The following NPAS3 variants were observed in gnomAD, a reference collection of about 807,000 sequenced individuals.
NPAS3 encodes the protein neuronal PAS domain-containing protein 3.
In NPAS3, 14 loss-of-function variants were observed where a neutral mutation model predicts 73.1. That is an observed-to-expected ratio of 0.19 (90% CI 0.13 to 0.30). The LOEUF is 0.30. Ranked by LOEUF, NPAS3 falls within the 10% of genes least tolerant of loss-of-function variation. The pLI is 1.00. For synonymous variants in NPAS3, 620 were observed against 541.5 expected, an observed-to-expected ratio of 1.14 and a Z score of -2.01; for missense variants, 1,096 against 1,250.0, an observed-to-expected ratio of 0.88 and a Z score of 1.86.
intron 6 of NPAS3, among the ~76,000 whole-genome samples, chr14:33,704,088 AAGAAAACCCGT>A (rs2060593638): frequency 6.6e-6 from 1 of 152,232 alleles, no homozygotes; most frequent in Non-Finnish European, 1.5e-5. Flanking sequence ...GTGAGGATGA[AAGAAAACCCGT>A]AGAAAAGCAC....
chr14:33,308,543 C>CACACACACAA (rs1473982058), intron 3 of NPAS3, among the ~76,000 whole-genome samples: 1 of 117,144 alleles, frequency 8.5e-6, no homozygotes, highest in Non-Finnish European at 1.7e-5. Context: ...CACACACACA[C>CACACACACAA]ACACACACAC....
At chr14:33,309,609 C>A (rs137966227) in intron 3 of NPAS3, among the ~76,000 whole-genome samples, 3 of 152,126 alleles carry the variant, frequency 2.0e-5, no homozygotes, top group African/African-American at 7.2e-5. Flanking sequence ...ACCTTTTCTC[C>A]AAATGGGCTG....
intron 2 of NPAS3, among the ~76,000 whole-genome samples, chr14:33,210,958 A>G (rs2047009948): frequency 6.6e-6 from 1 of 152,242 alleles, no homozygotes; most frequent in Admixed American, 6.5e-5. Flanking sequence ...TAGGAATTAT[A>G]TTAGTGAGAA....
chr14:33,375,083 A>G (rs1349843321), intron 4 of NPAS3, among the ~76,000 whole-genome samples: 1 of 152,098 alleles, frequency 6.6e-6, no homozygotes, highest in Non-Finnish European at 1.5e-5. Flanking sequence ...TCTTTTTGCT[A>G]AAGTGGTATC....
At chr14:33,589,331 C>T (rs561255430) in intron 5 of NPAS3, among the ~76,000 whole-genome samples, 1 of 152,236 alleles carries the variant, frequency 6.6e-6, no homozygotes, top group African/African-American at 2.4e-5. Context: ...CTGCTTATGA[C>T]AGTGAGGAAG....
chr14:33,461,221 T>G (rs2050249751), intron 4 of NPAS3, among the ~76,000 whole-genome samples: 2 of 152,178 alleles, frequency 1.3e-5, no homozygotes, highest in Non-Finnish European at 1.5e-5. Context: ...TCCCTTGCCT[T>G]TAGGAATTCA....
intron 5 of NPAS3, among the ~76,000 whole-genome samples, chr14:33,668,312 A>AAT (rs2059513369): frequency 6.6e-6 from 1 of 152,172 alleles, no homozygotes; most frequent in Non-Finnish European, 1.5e-5. Flanking sequence ...AGGAACGACT[A>AAT]ATTGTATGAT....
chr14:32,974,468 G>T (rs2037568414), intron 1 of NPAS3, among the ~76,000 whole-genome samples: 1 of 152,220 alleles, frequency 6.6e-6, no homozygotes. Flanking sequence ...TGAAGGAAAA[G>T]AAGGTATGTA....
intron 3 of NPAS3, among the ~76,000 whole-genome samples, chr14:33,298,869 T>A (rs1032423408): frequency 6.6e-6 from 1 of 152,208 alleles, no homozygotes; most frequent in Admixed American, 6.5e-5. Context: ...ACAGAAATAA[T>A]CCTTCCTTCT....
chr14:33,572,915 C>A (rs1240520769), intron 5 of NPAS3, among the ~76,000 whole-genome samples: 2 of 147,788 alleles, frequency 1.4e-5, no homozygotes, highest in Non-Finnish European at 3.0e-5. Flanking sequence ...CCCAGCTACT[C>A]GGGAGTCTGA....
At chr14:33,469,602 G>T (rs1209691252) in intron 4 of NPAS3, among the ~76,000 whole-genome samples, 1 of 152,098 alleles carries the variant, frequency 6.6e-6, no homozygotes, top group East Asian at 1.9e-4. Context: ...AGTTATTCTA[G>T]GATAAGGAAA....
At chr14:33,606,003 T>A (rs1236109646) in intron 5 of NPAS3, among the ~76,000 whole-genome samples, 2 of 152,188 alleles carry the variant, frequency 1.3e-5, no homozygotes, top group Non-Finnish European at 2.9e-5. Context: ...GACAGCGTGA[T>A]ATTGGCATAA....
intron 2 of NPAS3, among the ~76,000 whole-genome samples, chr14:33,066,904 G>T (rs926867511): frequency 1.3e-5 from 2 of 152,164 alleles, no homozygotes; most frequent in Non-Finnish European, 2.9e-5. Flanking sequence ...TAATTGATAC[G>T]GCTGAAATCC....
intron 2 of NPAS3, among the ~76,000 whole-genome samples, chr14:33,182,517 A>G (rs1478902391): frequency 6.6e-6 from 1 of 152,232 alleles, no homozygotes; most frequent in South Asian, 2.1e-4. Flanking sequence ...AAAATGCATG[A>G]AAGTATAGTT....
intron 1 of NPAS3, among the ~76,000 whole-genome samples, chr14:32,940,281 A>C (rs141290472): frequency 4.7e-4 from 72 of 152,310 alleles, no homozygotes; most frequent in Admixed American, 7.8e-4. Context: ...GCCACAGGGA[A>C]AGGGAGTTTG....
intron 6 of NPAS3, among the ~76,000 whole-genome samples, chr14:33,679,852 C>A (rs1467342409): frequency 6.6e-6 from 1 of 152,122 alleles, no homozygotes; most frequent in Admixed American, 6.5e-5. Flanking sequence ...AAAAAAGATC[C>A]ATTGATTGTA....
chr14:33,494,726 C>A (rs1325511365), intron 4 of NPAS3, among the ~76,000 whole-genome samples: 5 of 151,954 alleles, frequency 3.3e-5, no homozygotes, highest in Non-Finnish European at 7.4e-5. Context: ...AATTTGTTTT[C>A]TTTTTACAGT....
chr14:33,485,394 C>T (rs886322689), intron 4 of NPAS3, among the ~76,000 whole-genome samples: 1 of 152,132 alleles, frequency 6.6e-6, no homozygotes, highest in Admixed American at 6.5e-5. Flanking sequence ...ATTTATGCTC[C>T]ACACTTGAGT....
intron 5 of NPAS3, among the ~76,000 whole-genome samples, chr14:33,609,596 C>T (rs1376649559): frequency 6.6e-6 from 1 of 151,970 alleles, no homozygotes; most frequent in Non-Finnish European, 1.5e-5. Context: ...ATTCTCTTCT[C>T]GGTGGGCTTG....
Sources: gnomAD v4.1 joint callset for allele counts (sites outside exome capture counted in the v4.1 genomes callset) on GRCh38, gnomAD v4.1.1 for gene constraint, MANE v1.5 for transcripts, NCBI Gene and HGNC (gene_info 2026-07-23, HGNC 2026-07-21) for gene names.